GFRA1: variants seen among roughly 807,000 people sequenced by gnomAD.
GFRA1 encodes GDNF family receptor alpha-1.
GFRA1 carries 16 observed loss-of-function variants against 51.6 expected under a neutral mutation model. The observed-to-expected ratio is 0.31, with a 90% confidence interval of 0.21 to 0.47. GFRA1 has a LOEUF of 0.47. Among genes scored for constraint, GFRA1 ranks in the 20% least tolerant of loss-of-function variants. The pLI, the probability that GFRA1 is intolerant of heterozygous loss-of-function variation, is 1.00. For missense variants in GFRA1, 530 were observed against 594.3 expected (o/e 0.89, Z 1.13); for synonymous variants, 270 against 241.3 (o/e 1.12, Z -1.10).
At chr10:116,068,177 G>C (rs928226962) in intron 9 of GFRA1, among the ~76,000 whole-genome samples, 8 of 152,174 alleles carry the variant, frequency 5.3e-5, no homozygotes, top group African/African-American at 1.9e-4. Context: ...CCAACCCACA[G>C]AGGCACTCAG....
chr10:116,271,187 C>A, intron 2 of GFRA1, 72 bp from the exon 3 acceptor site: 3 of 1,383,566 alleles, frequency 2.2e-6, no homozygotes, highest in Non-Finnish European at 2.9e-6. Flanking sequence ...CGGGCGAGGG[C>A]GCGCGCCCGG....
intron 5 of GFRA1, among the ~76,000 whole-genome samples, chr10:116,135,379 G>A (rs1238003394): frequency 6.6e-6 from 1 of 152,184 alleles, no homozygotes; most frequent in Admixed American, 6.5e-5. Context: ...AGGAGTGCAT[G>A]AAATTTCTCA....
chr10:116,062,202 TCACATAGAATCAGATCC>T lies in GFRA1; in HGVS notation c.*2179_*2195del, dbSNP rs1954850959. The T allele has an allele frequency of 5.0e-6, 2 of 398,470 alleles. No individual in the cohort carries two copies. The highest frequency in any genetic ancestry group is 4.4e-5 in the Admixed American group (1 of 22,724). 24.7% of individuals were successfully genotyped at this position (398,470 alleles called of 1,614,324 possible). On this transcript the variant is annotated 3_prime_UTR_variant, in exon 11 of 11. Transcript: ENST00000355422. ...GTAATCAGTAGCTTTCTACAGTGGA[TCACATAGAATCAGATCC>T]CTATGAAATTAGTCCAGTGTAGATA...
intron 9 of GFRA1, among the ~76,000 whole-genome samples, chr10:116,087,019 T>C (rs553103152): frequency 2.0e-5 from 3 of 152,332 alleles, no homozygotes; most frequent in Middle Eastern, 3.4e-3. Context: ...GATTTTACCA[T>C]GTTGGCCAGG....
chr10:116,197,341 C>G lies in GFRA1; in HGVS notation c.433+14290G>C, dbSNP rs151081431. On this transcript the variant is annotated intron_variant, in intron 5 of 10. Transcript: ENST00000355422. ...CCACCTCTGAACCAGGTATTAAGCCCTTACCAAACACGGAATCTGCCAGCA... is the reference window on the plus strand; with the variant it reads ...CCACCTCTGAACCAGGTATTAAGCCGTTACCAAACACGGAATCTGCCAGCA... Among the ~76,000 whole-genome samples the G allele has an allele frequency of 4.3e-3, 661 of 152,250 alleles. 7 individuals carry two copies. Among genetic ancestry groups the G allele is most frequent in the African/African-American group, 0.015 (637 of 41,538 alleles).
At chr10:116,128,748 A>T (rs1045596175) in intron 5 of GFRA1, among the ~76,000 whole-genome samples, 1 of 146,516 alleles carries the variant, frequency 6.8e-6, no homozygotes, top group South Asian at 2.1e-4. Context: ...AAAAAAAAAA[A>T]AAATTGGCCT....
chr10:116,274,127 C>T (rs1844133241), upstream of GFRA1, among the ~76,000 whole-genome samples: 1 of 152,112 alleles, frequency 6.6e-6, no homozygotes, highest in Non-Finnish European at 1.5e-5. Flanking sequence ...TTCGCCCCAA[C>T]CCCTGGGACC....
At chr10:116,268,359 T>C (rs1969836967) in intron 4 of GFRA1, among the ~76,000 whole-genome samples, 1 of 152,244 alleles carries the variant, frequency 6.6e-6, no homozygotes, top group Non-Finnish European at 1.5e-5. Context: ...TGTAACACTT[T>C]TAACACATTG....
At chr10:116,257,248 G>A (rs1446470985) in intron 4 of GFRA1, among the ~76,000 whole-genome samples, 2 of 152,136 alleles carry the variant, frequency 1.3e-5, no homozygotes, top group African/African-American at 4.8e-5. Context: ...GATTCCTGCT[G>A]GTCCCTGTCT....
At chr10:116,092,096 T>TACACACACAC (rs58442181) in intron 8 of GFRA1, among the ~76,000 whole-genome samples, 8,915 of 138,014 alleles carry the variant, frequency 0.065, 456 homozygotes, top group East Asian at 0.089. Context: ...CATACATACG[T>TACACACACAC]ACACACACAC....
rs530948212 is a variant in GFRA1 at position 116,109,565 on chromosome 10, C to G, written c.771-12801G>C. Among the ~76,000 whole-genome samples the G allele has an allele frequency of 6.6e-5, 10 of 152,354 alleles. No homozygotes were observed. The South Asian group carries it at 1.7e-3, about 25-fold the overall frequency. ...GGCCTTGCCTCTCTGGGCACCCCTT[C>G]CCCGGGCTGTGTTCCCCCAGAGGGC... On this transcript the variant is annotated intron_variant, in intron 6 of 10. Transcript: ENST00000355422.
intron 6 of GFRA1, among the ~76,000 whole-genome samples, chr10:116,115,296 T>C (rs985791119): frequency 2.0e-5 from 3 of 152,050 alleles, no homozygotes; most frequent in Non-Finnish European, 2.9e-5. Context: ...AGCAGGACTC[T>C]AAGCCTGGCT....
chr10:116,083,705 T>C (rs1955961351), intron 9 of GFRA1, among the ~76,000 whole-genome samples: 2 of 152,092 alleles, frequency 1.3e-5, no homozygotes, highest in Non-Finnish European at 2.9e-5. Context: ...ACTTTGGGGG[T>C]TTGCCCCCAC....
At chr10:116,129,257 G>A (rs190116228) in intron 5 of GFRA1, among the ~76,000 whole-genome samples, 211 of 152,218 alleles carry the variant, frequency 1.4e-3, no homozygotes, top group Non-Finnish European at 9.0e-4. Flanking sequence ...TATTGCTTAC[G>A]AATACAGATG....
At chr10:116,246,254 A>C (rs1337463459) in intron 4 of GFRA1, among the ~76,000 whole-genome samples, 2 of 152,168 alleles carry the variant, frequency 1.3e-5, no homozygotes, top group Non-Finnish European at 2.9e-5. Context: ...ACACAGTGAA[A>C]TCCTGTCTCT....
chr10:116,159,518 C>T (rs1186637776), intron 5 of GFRA1, among the ~76,000 whole-genome samples: 1 of 152,190 alleles, frequency 6.6e-6, no homozygotes, highest in African/African-American at 2.4e-5. Flanking sequence ...TGATCTGATG[C>T]CACACACAGA....
At chr10:116,243,373 C>A (rs1011454943) in intron 4 of GFRA1, among the ~76,000 whole-genome samples, 5 of 152,046 alleles carry the variant, frequency 3.3e-5, no homozygotes, top group African/African-American at 1.2e-4. Flanking sequence ...TAGAAACCTT[C>A]CATTTGAATC....
rs1698670133 is a variant in GFRA1, at chr10:116,196,757, ATAT to A, written c.433+14871_433+14873del. ...TAATACTATATATAATATATATTAT[ATAT>A]TATATATATAATACTGTATATAATA... On this transcript the variant is annotated intron_variant, in intron 5 of 10. Coordinates refer to ENST00000355422, the MANE Select transcript of GFRA1 (RefSeq NM_005264.8). 2.4e-5 allele frequency among the ~76,000 whole-genome samples: 2 copies of A among 82,876 alleles called. 1 individual carries two copies. Among genetic ancestry groups the A allele is most frequent in the African/African-American group, 8.8e-5 (2 of 22,702 alleles). 54.4% of individuals were successfully genotyped at this position (82,876 alleles called of 152,430 possible).
At chr10:116,100,960 G>C (rs1195176416) in intron 6 of GFRA1, among the ~76,000 whole-genome samples, 1 of 152,220 alleles carries the variant, frequency 6.6e-6, no homozygotes, top group Non-Finnish European at 1.5e-5. Context: ...TGGTGGGAAA[G>C]ATGGGGGAGG....
Sources: gnomAD v4.1 joint callset for allele counts (sites outside exome capture counted in the v4.1 genomes callset) on GRCh38, gnomAD v4.1.1 for gene constraint, MANE v1.5 for transcripts, NCBI Gene and HGNC (gene_info 2026-07-23, HGNC 2026-07-21) for gene names.